The following FOXF2 variants were observed in gnomAD, a reference collection of about 807,000 sequenced individuals.
FOXF2 encodes forkhead box protein F2.
A neutral mutation model predicts 29.1 loss-of-function variants in FOXF2; 15 were observed. The ratio of observed to expected loss-of-function variants is 0.52; its 90% CI spans 0.35 to 0.79. The LOEUF is 0.79. Ranked by LOEUF, FOXF2 falls within the 30% of genes least tolerant of loss-of-function variation. The pLI, the probability that FOXF2 is intolerant of heterozygous loss-of-function variation, is 0.01. For synonymous variants in FOXF2, 337 were observed against 316.5 expected, an observed-to-expected ratio of 1.06 and a Z score of -0.69; for missense variants, 675 against 667.1, an observed-to-expected ratio of 1.01 and a Z score of -0.13.
At chr6:1,393,924 G>A (rs1393473894) in intron 1 of FOXF2, among the ~76,000 whole-genome samples, 2 of 152,206 alleles carry the variant, frequency 1.3e-5, no homozygotes, top group African/African-American at 2.4e-5. Flanking sequence ...CGGGGACCGG[G>A]GAGCCGCCCC....
chr6:1,393,282 C>T (rs946796771), intron 1 of FOXF2, among the ~76,000 whole-genome samples: 1 of 152,050 alleles, frequency 6.6e-6, no homozygotes, highest in African/African-American at 2.4e-5. Flanking sequence ...TCCATTAAGC[C>T]CTGCGAGCAC....
Position 1,390,697 on chromosome 6 carries a change from C to T in FOXF2, c.750C>T (p.Pro250=). Residue 250 remains proline, a synonymous_variant, in exon 1 of 2, where the codon CCC becomes CCT. Coordinates refer to ENST00000645481, the MANE Select transcript of FOXF2 (RefSeq NM_001452.2). This position sits in a 1 kb window ranked among gnomAD's most constrained non-coding sequence, Gnocchi z 8.5. The part of the protein sequence containing the change: ...QGGYGGLDMM[P]AGYDAGAGAP... ...GCTACGGCGGCCTCGACATGATGCC[C>T]GCGGGCTACGACGCCGGCGCGGGCG... is the stretch of plus-strand genomic sequence containing the variant. The T allele has an allele frequency of 3.3e-6, 5 of 1,497,524 alleles. No individual in the cohort carries two copies. The highest frequency in any genetic ancestry group is 4.4e-6 in the Non-Finnish European group (5 of 1,132,464). The allele number at this position is 1,497,524 out of a possible 1,614,324, so 92.8% of individuals were successfully genotyped here.
rs377282345 is a variant in FOXF2 at position 1,394,801 on chromosome 6, C to T, written c.1277C>T (p.Ser426Leu). ...ISSFHPSASG[S>L]YYHHHHQSVC... Reference sequence around the variant, plus strand: ...TCTTTCCATCCCTCAGCTAGCGGGTCGTATTATCACCATCACCACCAGAGC... The same window carrying T: ...TCTTTCCATCCCTCAGCTAGCGGGTTGTATTATCACCATCACCACCAGAGC... Residue 426 changes from serine (S) to leucine (L), a missense_variant, in exon 2 of 2, where the codon TCG (serine) becomes TTG (leucine). Coordinates refer to ENST00000645481, the MANE Select transcript of FOXF2 (RefSeq NM_001452.2). 55 of 1,613,936 alleles carry T rather than the reference C, an allele frequency of 3.4e-5. No homozygotes were observed. Among genetic ancestry groups the T allele is most frequent in the Non-Finnish European group, 4.4e-5 (52 of 1,180,002 alleles).
chr6:1,391,225 C>G, intron 1 of FOXF2, 107 bp downstream of exon 1: 1 of 1,539,296 alleles, frequency 6.5e-7, no homozygotes, highest in African/African-American at 1.4e-5. Context: ...GCTAGGAGGT[C>G]TGAGGGCACT....
rs767804919 is a variant in FOXF2 at position 1,391,068 on chromosome 6, A to C, written c.1121A>C (p.Tyr374Ser). The C allele has an allele frequency of 1.9e-6, 3 of 1,603,230 alleles. No homozygotes were observed. The Admixed American group carries it at 5.0e-5, about 27-fold the overall frequency. The change falls in exon 1 of 2, where the codon TAC becomes TCC. Residue 374 changes from tyrosine to serine, a missense_variant. Transcript: ENST00000645481. ...SAGLHSSMSSYSLEQSYLHQN... is the reference protein window; with the variant it reads ...SAGLHSSMSSSSLEQSYLHQN... ...GGCCTGCACTCCAGCATGTCCTCCT[A>C]CTCGCTGGAGCAGAGCTACTTGCAC...
In FOXF2 at chr6:1,390,298, C is replaced by G. The variant is rs760773661; in HGVS notation, c.351C>G (p.Pro117=). The G allele has an allele frequency of 8.1e-6, 13 of 1,612,968 alleles. No homozygotes were observed. The South Asian group carries it at 1.3e-4, about 16-fold the overall frequency. Residue 117 remains proline, a synonymous_variant, in exon 1 of 2, where the codon CCC becomes CCG. Coordinates refer to ENST00000645481, the MANE Select transcript of FOXF2 (RefSeq NM_001452.2). The surrounding 1 kb of genome is among the most constrained non-coding windows in gnomAD (Gnocchi z 8.5). ...TCGTCATGGCCATCCAGAGCTCGCC[C>G]AGCAAGCGCCTGACGCTCAGCGAGA... ...ALIVMAIQSS[P]SKRLTLSEIY... is the part of the protein sequence containing the mutation.
At position 1,390,683 on chromosome 6, in the gene FOXF2, C is replaced by A. The variant is rs1464374409; in HGVS notation, c.736C>A (p.Leu246Ile). The change falls in exon 1 of 2, where the codon CTC becomes ATC. Residue 246 changes from leucine (L) to isoleucine (I), a missense_variant. This residue lies in a region of FOXF2 where 451 missense variants were observed against 437.2 expected (regional missense o/e 1.03). Transcript: ENST00000645481. The surrounding 1 kb of genome is among the most constrained non-coding windows in gnomAD (Gnocchi z 8.5). ...CCACAGCCAGGGCGGCTACGGCGGC[C>A]TCGACATGATGCCCGCGGGCTACGA... ...GCHSQGGYGG[L>I]DMMPAGYDAG... 2 of 1,524,392 alleles carry A rather than the reference C, an allele frequency of 1.3e-6. No homozygotes were observed. The highest frequency in any genetic ancestry group is 2.0e-5 in the Admixed American group (1 of 49,478). 94.4% of individuals were successfully genotyped at this position (1,524,392 alleles called of 1,614,324 possible).
chr6:1,392,080 A>C (rs1366765522), intron 1 of FOXF2, among the ~76,000 whole-genome samples: 2 of 151,812 alleles, frequency 1.3e-5, no homozygotes, highest in Non-Finnish European at 2.9e-5. Flanking sequence ...GCCCCAAGCT[A>C]CTCTCTCACA....
intron 1 of FOXF2, 116 bp downstream of exon 1, chr6:1,391,234 C>T: frequency 2.0e-6 from 3 of 1,518,694 alleles, no homozygotes; most frequent in Non-Finnish European, 2.7e-6. Context: ...TCTGAGGGCA[C>T]TGGGAAAAGC....
At chr6:1,393,800 C>G (rs1758845012) in intron 1 of FOXF2, among the ~76,000 whole-genome samples, 1 of 152,376 alleles carries the variant, frequency 6.6e-6, no homozygotes, top group Middle Eastern at 3.4e-3. Flanking sequence ...CCAGCAGCCT[C>G]TGGGGCCCAG....
At chr6:1,394,532 G>T (rs1758860719) in intron 1 of FOXF2, among the ~76,000 whole-genome samples, 164 bp from the exon 2 acceptor site, 1 of 152,214 alleles carries the variant, frequency 6.6e-6, no homozygotes, top group Non-Finnish European at 1.5e-5. Context: ...ACGTGCAGTT[G>T]GTGTGTTTGA....
In FOXF2 at chr6:1,394,506, C is replaced by G. The variant is rs77131176; in HGVS notation, c.1172-190C>G. Reference sequence around the variant, plus strand: ...AGCATCAAAACAAAACATAATGATTCCAAAGCAATTCTATGACGTGCAGTT... The same window carrying G: ...AGCATCAAAACAAAACATAATGATTGCAAAGCAATTCTATGACGTGCAGTT... On this transcript the variant is annotated intron_variant, in intron 1 of 1. Transcript: ENST00000645481. Among the ~76,000 whole-genome samples, 305 of 152,274 alleles carry G rather than the reference C, an allele frequency of 2.0e-3. 1 individual carries two copies. Among genetic ancestry groups the G allele is most frequent in the African/African-American group, 7.0e-3 (292 of 41,560 alleles).
rs973523892 is a variant in FOXF2, at chr6:1,394,964, C to A, written c.*105C>A. On this transcript the variant is annotated 3_prime_UTR_variant, in exon 2 of 2. Coordinates refer to ENST00000645481, the MANE Select transcript of FOXF2 (RefSeq NM_001452.2). ...TCACATGCACGCGGATAGCAGTAAG[C>A]CACACACCTGCCACTTAGCCAGAAT... 1.7e-6 allele frequency: 2 copies of A among 1,154,608 alleles called. No homozygotes were observed. Among genetic ancestry groups the A allele is most frequent in the Non-Finnish European group, 2.6e-6 (2 of 777,268 alleles). 71.5% of individuals were successfully genotyped at this position (1,154,608 alleles called of 1,614,324 possible). A position where few individuals can be genotyped will look rare whatever the true frequency, so the allele number is the denominator to read the frequency against.
chr6:1,395,095 G>A lies in FOXF2; in HGVS notation c.*236G>A. The A allele has an allele frequency of 1.8e-6, 1 of 566,510 alleles. No homozygotes were observed. The highest frequency in any genetic ancestry group is 3.2e-6 in the Non-Finnish European group (1 of 315,328). 35.1% of individuals were successfully genotyped at this position (566,510 alleles called of 1,614,324 possible). On this transcript the variant is annotated 3_prime_UTR_variant, in exon 2 of 2. Transcript: ENST00000645481. ...GAATACCTGCAGGCTCCCACATGAG[G>A]GAGAGGGCAGACTCAGGTGGGAAGA...
At chr6:1,391,219 G>C in intron 1 of FOXF2, 101 bp downstream of exon 1, 1 of 1,547,382 alleles carries the variant, frequency 6.5e-7, no homozygotes. Flanking sequence ...CCCGAAGCTA[G>C]GAGGTCTGAG....
chr6:1,390,456 A>T lies in FOXF2; in HGVS notation c.509A>T (p.Lys170Met). ...KLPKGLGRPGKGHYWTIDPAS... is the reference protein window; with the variant it reads ...KLPKGLGRPGMGHYWTIDPAS... ...CCTAAGGGCCTCGGGCGGCCCGGCA[A>T]GGGCCACTACTGGACCATCGACCCG... The change falls in exon 1 of 2, where the codon AAG becomes ATG. Residue 170 changes from lysine (K) to methionine (M), a missense_variant. Physicochemically the swap from Lys to Met is moderately conservative, Grantham distance 95. Around this residue, in one of 3 missense-constraint regions of FOXF2, gnomAD observed 451 missense variants for 437.2 expected, o/e 1.03. Transcript: ENST00000645481. The surrounding 1 kb of genome is among the most constrained non-coding windows in gnomAD (Gnocchi z 8.5). 6.2e-7 allele frequency: 1 copy of T among 1,612,040 alleles called. No individual in the cohort carries two copies. The highest frequency in any genetic ancestry group is 8.5e-7 in the Non-Finnish European group (1 of 1,179,890).
At chr6:1,393,641 C>G (rs1442045744) in intron 1 of FOXF2, among the ~76,000 whole-genome samples, 1 of 152,142 alleles carries the variant, frequency 6.6e-6, no homozygotes, top group Admixed American at 6.5e-5. Context: ...GGGCCCGAGC[C>G]CGGCGGGCCG....
At chr6:1,393,546 C>G (rs1758839086) in intron 1 of FOXF2, among the ~76,000 whole-genome samples, 1 of 152,066 alleles carries the variant, frequency 6.6e-6, no homozygotes, top group African/African-American at 2.4e-5. Flanking sequence ...GTAGGTGTTG[C>G]GGGCAAGGAA....
chr6:1,394,993 C>A lies in FOXF2; in HGVS notation c.*134C>A. On this transcript the variant is annotated 3_prime_UTR_variant, in exon 2 of 2. Coordinates refer to ENST00000645481, the MANE Select transcript of FOXF2 (RefSeq NM_001452.2). The stretch of plus-strand genomic sequence containing the variant: ...ACACCTGCCACTTAGCCAGAATGCC[C>A]AGGATCGCGTTGGTCACTGTTATTT... 1 of 903,040 alleles carries A rather than the reference C, an allele frequency of 1.1e-6. No homozygotes were observed. Among genetic ancestry groups the A allele is most frequent in the South Asian group, 1.5e-5 (1 of 68,942 alleles). The allele number at this position is 903,040 out of a possible 1,614,324, so 55.9% of individuals were successfully genotyped here. A position where few individuals can be genotyped will look rare whatever the true frequency, so the allele number is the denominator to read the frequency against.
Sources: gnomAD v4.1 joint callset for allele counts (sites outside exome capture counted in the v4.1 genomes callset) on GRCh38, gnomAD v4.1.1 for gene constraint, gnomAD v4.1.1 regional missense constraint, Gnocchi (gnomAD v3.1) non-coding constraint, MANE v1.5 for transcripts, NCBI Gene and HGNC (gene_info 2026-07-23, HGNC 2026-07-21) for gene names.